Variants in ACVR2A observed in about 807,000 individuals in gnomAD.
ACVR2A encodes the protein activin receptor type-2A.
ACVR2A carries 7 observed loss-of-function variants against 61.4 expected under a neutral mutation model. That is an observed-to-expected ratio of 0.11 (90% CI 0.06 to 0.21). The LOEUF (loss-of-function observed/expected upper bound fraction) is 0.21. ACVR2A is among the 10% of genes least tolerant of loss of function. The pLI is 1.00. For synonymous variants in ACVR2A, 193 were observed against 208.3 expected (o/e 0.93, Z 0.63); for missense variants, 322 against 621.7 (o/e 0.52, Z 5.13).
At chr2:147,918,096 A>G (rs942632926) in intron 6 of ACVR2A, among the ~76,000 whole-genome samples, 6 of 151,744 alleles carry the variant, frequency 4.0e-5, no homozygotes, top group African/African-American at 1.4e-4. Context: ...GTCCCATGAT[A>G]TAACAACTCT....
intron 1 of ACVR2A, among the ~76,000 whole-genome samples, chr2:147,887,843 C>G (rs1395945398): frequency 6.6e-6 from 1 of 152,092 alleles, no homozygotes; most frequent in East Asian, 1.9e-4. Flanking sequence ...CATTGGATTG[C>G]AAGAAGTGTG....
At chr2:147,892,878 C>G (rs757242724) in intron 1 of ACVR2A, among the ~76,000 whole-genome samples, 1 of 150,612 alleles carries the variant, frequency 6.6e-6, no homozygotes, top group Non-Finnish European at 1.5e-5. Flanking sequence ...ATGGTAGTTT[C>G]TTTTCTATTG....
intron 1 of ACVR2A, among the ~76,000 whole-genome samples, chr2:147,895,234 TATTAA>T (rs1351508310): frequency 2.0e-5 from 3 of 152,126 alleles, no homozygotes; most frequent in East Asian, 1.9e-4. Context: ...AAAGATACAG[TATTAA>T]ATTATAATTG....
intron 1 of ACVR2A, among the ~76,000 whole-genome samples, chr2:147,868,476 T>A (rs1471866949): frequency 1.3e-5 from 2 of 152,118 alleles, no homozygotes; most frequent in African/African-American, 4.8e-5. Flanking sequence ...GCAACCTTTG[T>A]GTATTGTTAA....
chr2:147,919,319 C>T (rs576201250), intron 7 of ACVR2A, among the ~76,000 whole-genome samples: 10 of 152,206 alleles, frequency 6.6e-5, no homozygotes, highest in East Asian at 1.9e-4. Context: ...CTTTAAATGA[C>T]GTCTACCTCA....
chr2:147,917,545 T>C (rs1687276275), intron 6 of ACVR2A, 119 bp downstream of exon 6: 1 of 1,100,850 alleles, frequency 9.1e-7, no homozygotes, highest in East Asian at 2.8e-5. Context: ...ATATTTAACC[T>C]GAAAATAAAA....
chr2:147,919,439 T>C (rs1485513473), intron 7 of ACVR2A, among the ~76,000 whole-genome samples: 1 of 152,184 alleles, frequency 6.6e-6, no homozygotes, highest in Non-Finnish European at 1.5e-5. Flanking sequence ...CCCAAAGTTA[T>C]TAAGGGCCTG....
intron 4 of ACVR2A, among the ~76,000 whole-genome samples, chr2:147,903,493 T>C (rs1198690267): frequency 6.6e-6 from 1 of 151,912 alleles, no homozygotes; most frequent in African/African-American, 2.4e-5. Context: ...TCTCCCTTCA[T>C]CTGTACTATT....
chr2:147,925,896 CTGTT>C, intron 9 of ACVR2A, 131 bp from the exon 10 acceptor site: 1 of 838,018 alleles, frequency 1.2e-6, no homozygotes, highest in Non-Finnish European at 1.8e-6. Flanking sequence ...AGTTGAGAGT[CTGTT>C]TCTCTTCTGT....
At chr2:147,877,662 TTTC>T (rs2105165806) in intron 1 of ACVR2A, 1 of 152,314 alleles carries the variant, frequency 6.6e-6, no homozygotes, top group Admixed American at 6.5e-5. Context: ...GTAAACAATT[TTTC>T]TTATTTTATT....
At chr2:147,875,313 C>G (rs1016511658) in intron 1 of ACVR2A, among the ~76,000 whole-genome samples, 1 of 151,966 alleles carries the variant, frequency 6.6e-6, no homozygotes, top group Non-Finnish European at 1.5e-5. Context: ...AGCCACCCTA[C>G]CGTGAGTGTA....
intron 2 of ACVR2A, among the ~76,000 whole-genome samples, chr2:147,898,897 C>G (rs1354346173): frequency 1.3e-5 from 2 of 152,088 alleles, no homozygotes; most frequent in African/African-American, 4.8e-5. Flanking sequence ...TAAATCTACA[C>G]TCTAAAAAAC....
intron 4 of ACVR2A, among the ~76,000 whole-genome samples, chr2:147,908,669 T>C (rs1242171507): frequency 1.3e-5 from 2 of 152,158 alleles, no homozygotes; most frequent in East Asian, 1.9e-4. Context: ...AAATTTAAAA[T>C]GGTAAAATTT....
chr2:147,925,785 G>C lies in ACVR2A; in HGVS notation c.1217-246G>C, dbSNP rs1427807694. The stretch of plus-strand genomic sequence containing the variant: ...TGGAAATAGGCATCCTTTATACCTA[G>C]ATAAGAAAGCCCCTTATGCAATCTT... On this transcript the variant is annotated intron_variant, in intron 9 of 10. Transcript: ENST00000241416. 22 of 390,852 alleles carry C rather than the reference G, an allele frequency of 5.6e-5. 1 individual carries two copies. The East Asian group carries it at 5.9e-4, about 10-fold the overall frequency. 24.2% of individuals were successfully genotyped at this position (390,852 alleles called of 1,614,324 possible).
Position 147,896,365 on chromosome 2 carries a change from C to A in ACVR2A, c.120C>A (p.Asp40Glu), listed in dbSNP as rs930920460. The change falls in exon 2 of 11, where the codon GAC becomes GAA. Residue 40 changes from aspartate to glutamate, a missense_variant. Asp to Glu is a conservative substitution (Grantham distance 45). Coordinates refer to ENST00000241416, the MANE Select transcript of ACVR2A (RefSeq NM_001616.5). ...TCTTTAATGCTAATTGGGAAAAAGACAGAACCAATCAAACTGGTGTTGAAC... is the reference window on the plus strand; with the variant it reads ...TCTTTAATGCTAATTGGGAAAAAGAAAGAACCAATCAAACTGGTGTTGAAC... ...CLFFNANWEK[D>E]RTNQTGVEPC... 1 of 1,613,836 alleles carries A rather than the reference C, an allele frequency of 6.2e-7. No homozygotes were observed. The highest frequency in any genetic ancestry group is 1.3e-5 in the African/African-American group (1 of 74,994).
intron 1 of ACVR2A, among the ~76,000 whole-genome samples, chr2:147,895,389 G>C (rs1291625670): frequency 6.6e-6 from 1 of 152,126 alleles, no homozygotes; most frequent in Admixed American, 6.5e-5. Context: ...TGAGCAGTTT[G>C]TCTCTCCAGT....
At chr2:147,908,367 G>A (rs1408961456) in intron 4 of ACVR2A, among the ~76,000 whole-genome samples, 3 of 152,124 alleles carry the variant, frequency 2.0e-5, no homozygotes, top group Non-Finnish European at 4.4e-5. Flanking sequence ...GCTACCTTGA[G>A]GTGCTCTACT....
At chr2:147,848,472 A>G (rs1685370973) in intron 1 of ACVR2A, among the ~76,000 whole-genome samples, 1 of 152,118 alleles carries the variant, frequency 6.6e-6, no homozygotes, top group East Asian at 1.9e-4. Flanking sequence ...GATGCTTCTA[A>G]TCGTCCTAAA....
rs1039816135 is a variant in ACVR2A, at chr2:147,927,503, G to T, written c.*229G>T. The T allele has an allele frequency of 2.6e-6, 1 of 387,184 alleles. No homozygotes were observed. Among genetic ancestry groups the T allele is most frequent in the African/African-American group, 2.1e-5 (1 of 47,444 alleles). The allele number at this position is 387,184 out of a possible 1,614,324, so 24.0% of individuals were successfully genotyped here. On this transcript the variant is annotated 3_prime_UTR_variant, in exon 11 of 11. Coordinates refer to ENST00000241416, the MANE Select transcript of ACVR2A (RefSeq NM_001616.5). ...AGAGAAACCTTGCAAACTCTATAAA[G>T]AAACTTTTGAAAAAGTGTACATGAA...
Sources: allele counts gnomAD v4.1 joint callset (sites outside exome capture counted in the v4.1 genomes callset), GRCh38; gene constraint gnomAD v4.1.1; transcripts MANE v1.5; gene names NCBI Gene and HGNC (gene_info 2026-07-23, HGNC 2026-07-21).